FAM135A: variants seen among roughly 807,000 people sequenced by gnomAD.
The protein encoded by FAM135A is protein FAM135A.
In FAM135A, 79 loss-of-function variants were observed where a neutral mutation model predicts 146.8. That is an observed-to-expected ratio of 0.54 (90% confidence interval 0.45 to 0.65). The LOEUF (loss-of-function observed/expected upper bound fraction) is 0.65, where lower values mean the gene tolerates loss of function less well. Ranked by LOEUF, FAM135A falls within the 30% of genes least tolerant of loss-of-function variation. The pLI, the probability that FAM135A is intolerant of heterozygous loss-of-function variation, is 0.00. For missense variants in FAM135A, 1,623 were observed against 1,758.2 expected (o/e 0.92, Z 1.38); for synonymous variants, 562 against 603.6 (o/e 0.93, Z 1.01).
At chr6:70,480,297 C>A (rs1163407592) in intron 8 of FAM135A, among the ~76,000 whole-genome samples, 1 of 151,990 alleles carries the variant, frequency 6.6e-6, no homozygotes, top group East Asian at 1.9e-4. Flanking sequence ...CATAGCAAGA[C>A]CTCACCTCTA....
intron 12 of FAM135A, among the ~76,000 whole-genome samples, chr6:70,521,344 A>G (rs1236045746): frequency 6.6e-6 from 1 of 152,210 alleles, no homozygotes; most frequent in African/African-American, 2.4e-5. Context: ...TATAGCCCCA[A>G]AGGAAATCAT....
chr6:70,554,631 T>C (rs114563313), intron 20 of FAM135A, among the ~76,000 whole-genome samples: 3,365 of 152,106 alleles, frequency 0.022, 125 homozygotes, highest in African/African-American at 0.074. Flanking sequence ...GGGGGTTTTT[T>C]TGGTTTTTGT....
At chr6:70,486,192 T>A in intron 10 of FAM135A, 1 of 1,613,874 alleles carries the variant, frequency 6.2e-7, no homozygotes, top group Non-Finnish European at 8.5e-7. Flanking sequence ...AGCTCCTATA[T>A]GAGCGTCTTC....
At chr6:70,514,966 C>G (rs73485127) in intron 12 of FAM135A, among the ~76,000 whole-genome samples, 9,328 of 152,148 alleles carry the variant, frequency 0.061, 791 homozygotes, top group African/African-American at 0.19. Context: ...CTTCACTGAC[C>G]TGGGAGGAAG....
chr6:70,547,452 T>C (rs1799052903), intron 20 of FAM135A, among the ~76,000 whole-genome samples: 1 of 152,170 alleles, frequency 6.6e-6, no homozygotes, highest in Non-Finnish European at 1.5e-5. Context: ...GAATTCTTTG[T>C]TTTCAGGGGT....
chr6:70,557,997 C>T (rs1801233995), intron 21 of FAM135A, among the ~76,000 whole-genome samples: 1 of 152,156 alleles, frequency 6.6e-6, no homozygotes, highest in East Asian at 1.9e-4. Context: ...AGAGTCTTAA[C>T]CTTCAGATGA....
Position 70,522,575 on chromosome 6 carries a change from C to G in FAM135A, c.1092C>G (p.Tyr364Ter). Residue 364 changes from tyrosine to a stop codon, truncating the protein, a stop_gained, in exon 13 of 22, where the codon TAC becomes TAG. Coordinates refer to ENST00000418814, the MANE Select transcript of FAM135A (RefSeq NM_001162529.3). LOFTEE classifies it high-confidence loss of function. ...FEHPREAAIA[Y>*]QELHAQSHLQ... is the part of the protein sequence containing the mutation. ...ATCCAAGAGAAGCTGCCATTGCATACCAGGAACTTCAGTGAGTAGTATAAA... is the reference window on the plus strand; with the variant it reads ...ATCCAAGAGAAGCTGCCATTGCATAGCAGGAACTTCAGTGAGTAGTATAAA... 6.2e-7 allele frequency: 1 copy of G among 1,613,088 alleles called. No homozygotes were observed. Among genetic ancestry groups the G allele is most frequent in the South Asian group, 1.1e-5 (1 of 90,938 alleles).
At chr6:70,506,524 G>T (rs1216760540) in intron 12 of FAM135A, among the ~76,000 whole-genome samples, 1 of 152,074 alleles carries the variant, frequency 6.6e-6, no homozygotes, top group East Asian at 1.9e-4. Flanking sequence ...ACAAAAACAG[G>T]TGTTGGGCCA....
At chr6:70,494,390 G>A (rs963558679) in intron 11 of FAM135A, among the ~76,000 whole-genome samples, 6 of 151,186 alleles carry the variant, frequency 4.0e-5, no homozygotes, top group African/African-American at 1.5e-4. Flanking sequence ...AGCTACTCAG[G>A]AGACTGAGGT....
In FAM135A at chr6:70,522,465, CTT is replaced by C. The variant is rs751664474; in HGVS notation, c.1030-44_1030-43del. Reference sequence around the variant, plus strand: ...TCCTTACCATAAGATGCCGGATTGACTTTTTAAATACGTCATGTTATTAATAC... The same window carrying C: ...TCCTTACCATAAGATGCCGGATTGACTTTAAATACGTCATGTTATTAATAC... On this transcript the variant is annotated intron_variant, in intron 12 of 21. Coordinates refer to ENST00000418814, the MANE Select transcript of FAM135A (RefSeq NM_001162529.3). 15 of 1,551,434 alleles carry C rather than the reference CTT, an allele frequency of 9.7e-6. No homozygotes were observed. In the South Asian group the frequency reaches 1.2e-4, roughly 13 times the overall value.
chr6:70,470,634 G>C (rs894695338), intron 5 of FAM135A, among the ~76,000 whole-genome samples: 1 of 152,208 alleles, frequency 6.6e-6, no homozygotes, highest in Non-Finnish European at 1.5e-5. Context: ...TGGAATTACA[G>C]GCGTGAGCCA....
intron 7 of FAM135A, 134 bp downstream of exon 7, chr6:70,475,867 T>G: frequency 7.3e-6 from 5 of 684,790 alleles, no homozygotes; most frequent in Non-Finnish European, 1.2e-5. Flanking sequence ...CTGGGGAAAC[T>G]TCATGAGAAT....
intron 19 of FAM135A, among the ~76,000 whole-genome samples, chr6:70,537,303 T>C (rs2128422994): frequency 6.6e-6 from 1 of 152,274 alleles, no homozygotes; most frequent in South Asian, 2.1e-4. Context: ...AATTAGTCAA[T>C]TGATTCCCAC....
At chr6:70,518,918 A>G (rs1445632077) in intron 12 of FAM135A, among the ~76,000 whole-genome samples, 4 of 152,230 alleles carry the variant, frequency 2.6e-5, no homozygotes, top group Non-Finnish European at 4.4e-5. Context: ...ACAACGATCT[A>G]TTCTTCAGCC....
At chr6:70,494,879 G>A (rs1452501010) in intron 11 of FAM135A, among the ~76,000 whole-genome samples, 1 of 152,088 alleles carries the variant, frequency 6.6e-6, no homozygotes, top group African/African-American at 2.4e-5. Flanking sequence ...TTCTACTTTT[G>A]TATAGACTAT....
chr6:70,467,997 A>G (rs560125586), intron 5 of FAM135A, among the ~76,000 whole-genome samples: 59 of 152,292 alleles, frequency 3.9e-4, no homozygotes, highest in African/African-American at 1.2e-3. Context: ...CTGATGGGAA[A>G]TTCTGAGAGC....
At chr6:70,552,710 C>G (rs1488732348) in intron 20 of FAM135A, among the ~76,000 whole-genome samples, 1 of 151,930 alleles carries the variant, frequency 6.6e-6, no homozygotes, top group Non-Finnish European at 1.5e-5. Flanking sequence ...CCTTGTGATC[C>G]ACCCAGCTCG....
At chr6:70,498,754 A>G (rs1036961803) in intron 11 of FAM135A, among the ~76,000 whole-genome samples, 2 of 152,190 alleles carry the variant, frequency 1.3e-5, no homozygotes, top group Admixed American at 6.5e-5. Context: ...ATTCAGGAGC[A>G]GGTTGTTCAG....
intron 10 of FAM135A, among the ~76,000 whole-genome samples, chr6:70,489,802 A>G (rs115844644): frequency 1.2e-3 from 189 of 152,228 alleles, no homozygotes; most frequent in African/African-American, 4.2e-3. Context: ...ATCTCCACCT[A>G]GGGATGTGTT....
Sources: allele counts gnomAD v4.1 joint callset (sites outside exome capture counted in the v4.1 genomes callset), GRCh38; gene constraint gnomAD v4.1.1; transcripts MANE v1.5; gene names NCBI Gene and HGNC (gene_info 2026-07-23, HGNC 2026-07-21).